Variants in WDPCP observed in about 807,000 individuals in gnomAD.
The protein encoded by WDPCP is WD repeat containing planar cell polarity effector.
A neutral mutation model predicts 93.1 loss-of-function variants in WDPCP; 71 were observed. That is an observed-to-expected ratio of 0.76 (90% CI 0.63 to 0.93). WDPCP has a LOEUF of 0.93. Among genes scored for constraint, WDPCP ranks in the 40% least tolerant of loss-of-function variants. The pLI, the probability that WDPCP is intolerant of heterozygous loss-of-function variation, is 0.00. For synonymous variants in WDPCP, 315 were observed against 315.0 expected (o/e 1.00, Z 0.00); for missense variants, 844 against 887.4 (o/e 0.95, Z 0.62).
chr2:63,604,716 G>C, intron 3 of WDPCP: 1 of 1,613,690 alleles, frequency 6.2e-7, no homozygotes, highest in African/African-American at 1.3e-5. Context: ...AACTTGGTGT[G>C]ACTGCTAATG....
intron 1 of WDPCP, among the ~76,000 whole-genome samples, chr2:63,494,813 G>A (rs1023193276): frequency 6.6e-6 from 1 of 151,880 alleles, no homozygotes; most frequent in Non-Finnish European, 1.5e-5. Context: ...CCACCTACTC[G>A]GGAGGCTGAG....
At chr2:63,687,974 G>T (rs1668834515) in intron 2 of WDPCP, among the ~76,000 whole-genome samples, 2 of 152,070 alleles carry the variant, frequency 1.3e-5, no homozygotes, top group Admixed American at 1.3e-4. Context: ...AAGAAAATGC[G>T]GTACTTACAT....
At chr2:63,186,797 T>TTG (rs1249203448) in intron 14 of WDPCP, among the ~76,000 whole-genome samples, 30 of 150,964 alleles carry the variant, frequency 2.0e-4, no homozygotes, top group Non-Finnish European at 2.2e-4. Context: ...GTGCACTGTT[T>TTG]TGTGTGTGTG....
intron 3 of WDPCP, among the ~76,000 whole-genome samples, chr2:63,642,298 G>A (rs928548563): frequency 4.6e-5 from 7 of 151,924 alleles, no homozygotes; most frequent in Non-Finnish European, 8.8e-5. Flanking sequence ...ATTAGTGTGG[G>A]TTTTTGTGGT....
intron 12 of WDPCP, among the ~76,000 whole-genome samples, chr2:63,316,385 C>A (rs1009983160): frequency 4.4e-4 from 67 of 152,148 alleles, no homozygotes; most frequent in African/African-American, 1.6e-3. Flanking sequence ...AAAATAAGGC[C>A]GGGCGCCTAT....
chr2:63,792,441 T>C (rs966124520), intron 2 of WDPCP, among the ~76,000 whole-genome samples: 1 of 151,912 alleles, frequency 6.6e-6, no homozygotes. Context: ...CCTCGACACA[T>C]GGGATTATGG....
At chr2:63,704,377 C>G (rs538973478) in intron 2 of WDPCP, among the ~76,000 whole-genome samples, 1 of 152,114 alleles carries the variant, frequency 6.6e-6, no homozygotes. Flanking sequence ...TGTCTTGTGC[C>G]AGTTTTCAAA....
At chr2:63,452,530 T>C (rs1449376105) in intron 6 of WDPCP, among the ~76,000 whole-genome samples, 2 of 152,176 alleles carry the variant, frequency 1.3e-5, no homozygotes, top group African/African-American at 2.4e-5. Context: ...GGGTAATTTA[T>C]AGATTCAATG....
At chr2:63,834,381 T>C in the WDPCP span, among the ~76,000 whole-genome samples, 2 of 152,240 alleles carry the variant, frequency 1.3e-5, no homozygotes, top group African/African-American at 4.8e-5. Context: ...TCACTGATAA[T>C]TGAGAATGGC....
chr2:63,598,145 T>C (rs972223679), intron 3 of WDPCP: 2 of 152,192 alleles, frequency 1.3e-5, no homozygotes, highest in African/African-American at 4.8e-5. Context: ...TTTAATTTTT[T>C]TGAGACGGAG....
At chr2:63,499,096 T>C (rs1443213396) in intron 1 of WDPCP, among the ~76,000 whole-genome samples, 1 of 152,160 alleles carries the variant, frequency 6.6e-6, no homozygotes, top group Non-Finnish European at 1.5e-5. Context: ...GCCTCTACTA[T>C]CAAACACCAT....
At chr2:63,682,617 G>A (rs1439591129) in intron 2 of WDPCP, among the ~76,000 whole-genome samples, 1 of 152,010 alleles carries the variant, frequency 6.6e-6, no homozygotes, top group Non-Finnish European at 1.5e-5. Context: ...CAGATAGAAA[G>A]TTTATTCAAA....
intron 14 of WDPCP, among the ~76,000 whole-genome samples, chr2:63,216,799 G>C (rs1174883999): frequency 6.6e-6 from 1 of 152,006 alleles, no homozygotes; most frequent in East Asian, 1.9e-4. Context: ...ATTAGCTTAG[G>C]AAATTTTTTA....
At chr2:63,578,251 C>A (rs1708249098) in intron 1 of WDPCP, among the ~76,000 whole-genome samples, 1 of 152,108 alleles carries the variant, frequency 6.6e-6, no homozygotes, top group South Asian at 2.1e-4. Context: ...TCAGCATTAT[C>A]ATTATTTAAA....
At position 63,532,466 on chromosome 2, in the gene WDPCP, C is replaced by T. The variant is rs192031603; in HGVS notation, c.76-39526G>A. On this transcript the variant is annotated intron_variant, in intron 1 of 17. Transcript: ENST00000272321. ...GTTAAGGGCAGCCAGAAAGAAAGGT[C>T]GGGTTACCCACAAAGGGAAGCCCAT... is the stretch of plus-strand genomic sequence containing the variant. Among the ~76,000 whole-genome samples, 115 of 152,286 alleles carry T rather than the reference C, an allele frequency of 7.6e-4. 1 individual carries two copies. In the East Asian group the frequency reaches 0.02, roughly 26 times the overall value.
intron 13 of WDPCP, among the ~76,000 whole-genome samples, chr2:63,271,556 A>ATCACTG (rs1682650568): frequency 6.6e-6 from 1 of 152,164 alleles, no homozygotes; most frequent in Non-Finnish European, 1.5e-5. Flanking sequence ...GACTCATCCC[A>ATCACTG]TCACTGTCAC....
At chr2:63,780,501 T>G (rs1670370722) in intron 2 of WDPCP, among the ~76,000 whole-genome samples, 1 of 152,174 alleles carries the variant, frequency 6.6e-6, no homozygotes, top group South Asian at 2.1e-4. Flanking sequence ...CTGAACATTA[T>G]TATCCTCAAT....
intron 1 of WDPCP, among the ~76,000 whole-genome samples, chr2:63,531,766 G>A (rs929765796): frequency 1.3e-5 from 2 of 152,190 alleles, no homozygotes; most frequent in Non-Finnish European, 2.9e-5. Context: ...AACCAGAGCA[G>A]AAAAGCTGAA....
At chr2:63,790,985 A>G (rs72889398) in intron 2 of WDPCP, among the ~76,000 whole-genome samples, 15,791 of 152,236 alleles carry the variant, frequency 0.1, 1,366 homozygotes, top group African/African-American at 0.24. Context: ...TTCAGGAAGA[A>G]TTAAGTTAGG....
Sources: allele counts gnomAD v4.1 joint callset (sites outside exome capture counted in the v4.1 genomes callset), GRCh38; gene constraint gnomAD v4.1.1; transcripts MANE v1.5; gene names NCBI Gene and HGNC (gene_info 2026-07-23, HGNC 2026-07-21).